Variants in NLRC4 observed in about 807,000 individuals in gnomAD.
NLRC4 encodes the protein NLR family CARD domain-containing protein 4.
Under a neutral mutation model 79.9 loss-of-function variants are expected in NLRC4, and 63 were observed. That is an observed-to-expected ratio of 0.79 (90% CI 0.64 to 0.97). The LOEUF is 0.97. Ranked by LOEUF, NLRC4 falls within the 50% of genes least tolerant of loss-of-function variation. The pLI is 0.00. For synonymous variants in NLRC4, 461 were observed against 456.5 expected, an observed-to-expected ratio of 1.01 and a Z score of -0.12; for missense variants, 1,074 against 1,215.2, an observed-to-expected ratio of 0.88 and a Z score of 1.73.
intron 5 of NLRC4, among the ~76,000 whole-genome samples, chr2:32,240,509 AG>A (rs2148936214): frequency 6.6e-6 from 1 of 151,574 alleles, no homozygotes; most frequent in South Asian, 2.1e-4. Flanking sequence ...CCCTGTGGTA[AG>A]CCATGTGTTC....
intron 4 of NLRC4, among the ~76,000 whole-genome samples, chr2:32,247,250 G>C (rs1342403938): frequency 6.6e-6 from 1 of 152,152 alleles, no homozygotes; most frequent in Non-Finnish European, 1.5e-5. Context: ...GTAGAGATGG[G>C]GGTGCTCGCA....
intron 1 of NLRC4, among the ~76,000 whole-genome samples, chr2:32,257,539 G>A (rs1053020687): frequency 6.6e-6 from 1 of 151,418 alleles, no homozygotes; most frequent in Non-Finnish European, 1.5e-5. Flanking sequence ...CCCGGGAGAC[G>A]GAGGTTGCAG....
In NLRC4 at chr2:32,249,652, G is replaced by A; in HGVS notation, c.2212C>T (p.Leu738=). The A allele has an allele frequency of 6.2e-7, 1 of 1,611,994 alleles. No individual in the cohort carries two copies. The change falls in exon 4 of 9, where the codon CTG becomes TTG. Residue 738 remains leucine, a synonymous_variant. Transcript: ENST00000402280. ...DERHITSVTN[L]KTLSIHDLQN... ...AGGTCATGAATACTCAAGGTTTTCA[G>A]GTTTGTTACAGATGTGATGTGCCTC...
intron 8 of NLRC4, among the ~76,000 whole-genome samples, chr2:32,227,084 CCT>C (rs1686420718): frequency 6.6e-6 from 1 of 151,956 alleles, no homozygotes; most frequent in African/African-American, 2.4e-5. Context: ...CCGCTTTTCC[CCT>C]CTTCTACTAG....
At chr2:32,230,657 T>G (rs989864116) in intron 8 of NLRC4, among the ~76,000 whole-genome samples, 7 of 152,088 alleles carry the variant, frequency 4.6e-5, no homozygotes, top group African/African-American at 1.7e-4. Flanking sequence ...ATACTACATT[T>G]TTTAATCCAT....
At chr2:32,231,311 C>T (rs192553207) in intron 8 of NLRC4, among the ~76,000 whole-genome samples, 4 of 152,030 alleles carry the variant, frequency 2.6e-5, no homozygotes, top group East Asian at 3.9e-4. Flanking sequence ...TGTGCCACCA[C>T]GCCCGGCTAA....
intron 8 of NLRC4, among the ~76,000 whole-genome samples, chr2:32,231,714 C>T (rs1347248129): frequency 2.0e-5 from 3 of 151,980 alleles, no homozygotes; most frequent in Non-Finnish European, 4.4e-5. Context: ...GGACTACAGG[C>T]GTACGCTGCC....
At position 32,251,516 on chromosome 2, in the gene NLRC4, G is replaced by A; in HGVS notation, c.348C>T (p.Asn116=). ...KDLYHTPSFL[N]FYPLGEDIDI... is the part of the protein sequence containing the mutation. ...CAATATCTTCACCAAGGGGATAAAAGTTCAGAAAAGATGGGGTATGGTACA... is the reference window on the plus strand; with the variant it reads ...CAATATCTTCACCAAGGGGATAAAAATTCAGAAAAGATGGGGTATGGTACA... Residue 116 remains asparagine, a synonymous_variant, in exon 4 of 9, where the codon AAC becomes AAT. Transcript: ENST00000402280. 6.2e-7 allele frequency: 1 copy of A among 1,613,974 alleles called. No individual in the cohort carries two copies.
In NLRC4 at chr2:32,236,303, A is replaced by G. The variant is rs1159989343; in HGVS notation, c.2558T>C (p.Leu853Pro). The change falls in exon 7 of 9, where the codon CTT becomes CCT. Residue 853 changes from leucine (L) to proline (P), a missense_variant. Leu to Pro is a moderately conservative substitution (Grantham distance 98, BLOSUM62 -3). Coordinates refer to ENST00000402280, the MANE Select transcript of NLRC4 (RefSeq NM_001199138.2). ...TTCCAGGTAATTTTCTGATAAATCAAGAATGCTCAGTTTGACCAAATTGTG... is the reference window on the plus strand; with the variant it reads ...TTCCAGGTAATTTTCTGATAAATCAGGAATGCTCAGTTTGACCAAATTGTG... The part of the protein sequence containing the change: ...NLHNLVKLSI[L>P]DLSENYLEKD... 3.1e-6 allele frequency: 5 copies of G among 1,612,306 alleles called. No homozygotes were observed. In the Admixed American group the frequency reaches 6.7e-5, roughly 22 times the overall value.
intron 8 of NLRC4, among the ~76,000 whole-genome samples, chr2:32,233,264 A>T (rs866267747): frequency 6.9e-6 from 1 of 144,230 alleles, no homozygotes; most frequent in Non-Finnish European, 1.5e-5. Flanking sequence ...CTTTCACTGT[A>T]TCCCATAGGT....
chr2:32,262,844 C>T (rs1044767086), intron 1 of NLRC4, among the ~76,000 whole-genome samples: 1 of 151,436 alleles, frequency 6.6e-6, no homozygotes, highest in Non-Finnish European at 1.5e-5. Context: ...GGCCCTGCAA[C>T]CCCTCCCCGC....
chr2:32,240,352 G>C (rs562036420), intron 5 of NLRC4, among the ~76,000 whole-genome samples: 1 of 148,918 alleles, frequency 6.7e-6, no homozygotes, highest in Admixed American at 6.8e-5. Flanking sequence ...ACAAGATGAA[G>C]GGAAGAGAGG....
Position 32,250,659 on chromosome 2 carries a change from AAC to A in NLRC4, c.1203_1204del (p.Phe402LeufsTer5). ...CAGTTCGAAATCAAACTTGTGGGAG[AAC>A]ACACCCTCCAGAGCTAGGTCTCCAC... On this transcript the variant is annotated frameshift_variant, in exon 4 of 9. Coordinates refer to ENST00000402280, the MANE Select transcript of NLRC4 (RefSeq NM_001199138.2). LOFTEE classifies it high-confidence loss of function. This position sits in a 1 kb window ranked among gnomAD's most constrained non-coding sequence, Gnocchi z 4.9. 6.2e-7 allele frequency: 1 copy of A among 1,614,156 alleles called. No individual in the cohort carries two copies. Among genetic ancestry groups the A allele is most frequent in the East Asian group, 2.2e-5 (1 of 44,886 alleles).
rs374259187 is a variant in NLRC4 at position 32,250,951 on chromosome 2, C to T, written c.913G>A (p.Ala305Thr). The T allele has an allele frequency of 7.4e-6, 12 of 1,614,150 alleles. No homozygotes were observed. The highest frequency in any genetic ancestry group is 4.5e-5 in the East Asian group (2 of 44,888). Reference sequence around the variant, plus strand: ...AGCACTTCTCGGATGAGAGCCTGGGCGCTGTCTTCTGTCATATCCCCCACC... The same window carrying T: ...AGCACTTCTCGGATGAGAGCCTGGGTGCTGTCTTCTGTCATATCCCCCACC... ...AEVGDMTEDS[A>T]QALIREVLIK... The change falls in exon 4 of 9, where the codon GCC becomes ACC. Residue 305 changes from alanine (A) to threonine (T), a missense_variant. Physicochemically the swap from Ala to Thr is moderately conservative, Grantham distance 58 (BLOSUM62 0). Transcript: ENST00000402280. The surrounding 1 kb of genome is among the most constrained non-coding windows in gnomAD (Gnocchi z 4.9).
intron 2 of NLRC4, among the ~76,000 whole-genome samples, chr2:32,253,964 C>CAAA (rs71407436): frequency 1.9e-4 from 21 of 107,862 alleles, no homozygotes; most frequent in African/African-American, 2.2e-4. Context: ...AACTCTGTCT[C>CAAA]AAAAAAAAAA....
At chr2:32,245,347 G>A (rs1686910563) in intron 4 of NLRC4, among the ~76,000 whole-genome samples, 2 of 148,806 alleles carry the variant, frequency 1.3e-5, no homozygotes, top group Non-Finnish European at 3.0e-5. Context: ...ATGAATAGAG[G>A]TCATTATGGT....
At position 32,250,267 on chromosome 2, in the gene NLRC4, A is replaced by T; in HGVS notation, c.1597T>A (p.Ser533Thr). The T allele has an allele frequency of 6.2e-7, 1 of 1,614,162 alleles. No individual in the cohort carries two copies. The change falls in exon 4 of 9, where the codon TCT (serine) becomes ACT (threonine). Residue 533 changes from serine to threonine, a missense_variant. Physicochemically the swap from Ser to Thr is moderately conservative, Grantham distance 58. Transcript: ENST00000402280. The surrounding 1 kb of genome is among the most constrained non-coding windows in gnomAD (Gnocchi z 4.9). ...GTGGTGTTTTTCACACTTTGCAAAG[A>T]TTCCTGTCTCCAGAGAGGCCTCTTG... ...IAKRPLWRQE[S>T]LQSVKNTTEQ... is the part of the protein sequence containing the mutation.
At chr2:32,226,888 AAG>A (rs1491572624) in intron 8 of NLRC4, among the ~76,000 whole-genome samples, 168 of 152,268 alleles carry the variant, frequency 1.1e-3, no homozygotes, top group African/African-American at 3.9e-3. Context: ...CAAAAAAAAA[AAG>A]AGAAGAAAAG....
Position 32,252,440 on chromosome 2 carries a change from A to G in NLRC4, c.241T>C (p.Phe81Leu), listed in dbSNP as rs146045395. 28 of 1,610,282 alleles carry G rather than the reference A, an allele frequency of 1.7e-5. No individual in the cohort carries two copies. In the African/African-American group the frequency reaches 3.5e-4, roughly 20 times the overall value. ...KSLKEWNYPLFQDLNGQSLFH... is the reference protein window; with the variant it reads ...KSLKEWNYPLLQDLNGQSLFH... The stretch of plus-strand genomic sequence containing the variant: ...TTACTTTGTCCATTCAAGTCCTGAA[A>G]TAGAGGATAGTTCCACTCCTTAAGG... Residue 81 changes from phenylalanine to leucine, a missense_variant, in exon 3 of 9, where the codon TTT becomes CTT. Phe to Leu is a conservative substitution (Grantham distance 22, BLOSUM62 0). Transcript: ENST00000402280.
Sources: allele counts gnomAD v4.1 joint callset (sites outside exome capture counted in the v4.1 genomes callset), GRCh38; gene constraint gnomAD v4.1.1; non-coding constraint Gnocchi (gnomAD v3.1); transcripts MANE v1.5; gene names NCBI Gene and HGNC (gene_info 2026-07-23, HGNC 2026-07-21).